DACH1: variants seen among roughly 807,000 people sequenced by gnomAD.
DACH1 encodes the protein dachshund family transcription factor 1.
A neutral mutation model predicts 54.2 loss-of-function variants in DACH1; 12 were observed. The ratio of observed to expected loss-of-function variants is 0.22; its 90% confidence interval spans 0.14 to 0.36. The LOEUF (loss-of-function observed/expected upper bound fraction) is 0.36. DACH1 is among the 10% of genes least tolerant of loss of function. The probability of loss-of-function intolerance (pLI) is 1.00; values close to 1 mark genes in which losing one functional copy is unlikely to be tolerated. For synonymous variants in DACH1, 386 were observed against 366.2 expected (o/e 1.05, Z -0.62); for missense variants, 805 against 929.8 (o/e 0.87, Z 1.75).
At chr13:71,726,343 G>A (rs1418005391) in intron 1 of DACH1, among the ~76,000 whole-genome samples, 4 of 152,090 alleles carry the variant, frequency 2.6e-5, no homozygotes, top group Non-Finnish European at 5.9e-5. Context: ...AACTGATTTA[G>A]TTGAAACAAC....
chr13:71,805,197 A>G (rs556444297), intron 1 of DACH1, among the ~76,000 whole-genome samples: 7 of 152,152 alleles, frequency 4.6e-5, no homozygotes, highest in Non-Finnish European at 1.0e-4. Flanking sequence ...ACAAAGGTTT[A>G]TACATTTGTA....
At chr13:71,602,521 C>T (rs1874570593) in intron 3 of DACH1, among the ~76,000 whole-genome samples, 1 of 151,894 alleles carries the variant, frequency 6.6e-6, no homozygotes, top group Non-Finnish European at 1.5e-5. Flanking sequence ...GCTTTGTCCG[C>T]CATGGGAGCA....
Position 71,555,720 on chromosome 13 carries a change from T to C in DACH1, c.1570+1304A>G, listed in dbSNP as rs73521256. Among the ~76,000 whole-genome samples, 929 of 152,222 alleles carry C rather than the reference T, an allele frequency of 6.1e-3. 11 individuals carry two copies. The highest frequency in any genetic ancestry group is 0.021 in the African/African-American group (882 of 41,544). On this transcript the variant is annotated intron_variant, in intron 6 of 10. Transcript: ENST00000613252. ...AAAGTATAGGTCAAAATAAATATGA[T>C]GGATAATATACATGACATTCTGCTT...
At chr13:71,723,249 A>ATT (rs1883311288) in intron 1 of DACH1, among the ~76,000 whole-genome samples, 1 of 148,786 alleles carries the variant, frequency 6.7e-6, no homozygotes, top group African/African-American at 2.5e-5. Context: ...CACAAATTAA[A>ATT]AAAAAAAAAA....
chr13:71,491,254 C>T (rs1466853306), intron 6 of DACH1, among the ~76,000 whole-genome samples: 1 of 152,116 alleles, frequency 6.6e-6, no homozygotes, highest in Non-Finnish European at 1.5e-5. Flanking sequence ...CTCATGTAGC[C>T]TAGAGTGACT....
rs937593364 is a variant in DACH1 at position 71,589,125 on chromosome 13, C to A, written c.1127-16113G>T. Among the ~76,000 whole-genome samples the A allele has an allele frequency of 2.6e-5, 4 of 151,960 alleles. 1 individual carries two copies. Among genetic ancestry groups the A allele is most frequent in the Non-Finnish European group, 4.4e-5 (3 of 67,858 alleles). On this transcript the variant is annotated intron_variant, in intron 3 of 10. Transcript: ENST00000613252. ...ATTTTTAATAGTAACTCAAAAATTT[C>A]TTTATCATACTTCTTCAAGAAAGCT...
intron 1 of DACH1, among the ~76,000 whole-genome samples, chr13:71,733,459 G>C (rs1294436768): frequency 1.3e-5 from 2 of 152,132 alleles, no homozygotes; most frequent in Non-Finnish European, 2.9e-5. Context: ...CGGGATTACA[G>C]GTGTGACCAA....
In DACH1 at chr13:71,681,841, C is replaced by T. The variant is rs372020821; in HGVS notation, c.918G>A (p.Pro306=). 12 of 1,613,702 alleles carry T rather than the reference C, an allele frequency of 7.4e-6. No homozygotes were observed. The highest frequency in any genetic ancestry group is 5.3e-5 in the African/African-American group (4 of 74,912). ...VTSPENSHIM[P]HSVPGLMSPG... ...GAGACATGAGACCAGGGACAGAATG[C>T]GGCATGATGTGAGAGTTCTCTGGGG... Residue 306 remains proline (P), a synonymous_variant, in exon 2 of 11, where the codon CCG becomes CCA. Transcript: ENST00000613252.
chr13:71,751,030 T>G (rs1411629619), intron 1 of DACH1, among the ~76,000 whole-genome samples: 1 of 152,206 alleles, frequency 6.6e-6, no homozygotes, highest in East Asian at 1.9e-4. Flanking sequence ...AGGCTTCAGT[T>G]TTGCATTGTA....
intron 3 of DACH1, among the ~76,000 whole-genome samples, chr13:71,627,201 C>A (rs1876711477): frequency 1.3e-5 from 2 of 151,800 alleles, no homozygotes; most frequent in African/African-American, 4.8e-5. Context: ...CTATTATGAA[C>A]CGGGAAGGGT....
chr13:71,732,561 G>C (rs191417228), intron 1 of DACH1, among the ~76,000 whole-genome samples: 1 of 149,384 alleles, frequency 6.7e-6, no homozygotes, highest in South Asian at 2.1e-4. Context: ...CTCCAGCCTC[G>C]GTGACAAGAG....
chr13:71,591,644 T>C (rs1015988181), intron 3 of DACH1, among the ~76,000 whole-genome samples: 8 of 152,128 alleles, frequency 5.3e-5, no homozygotes, highest in East Asian at 3.9e-4. Context: ...TTAAGAGAAG[T>C]AAATAATATA....
intron 1 of DACH1, among the ~76,000 whole-genome samples, chr13:71,693,469 ATTTTTT>A (rs748598587): frequency 6.5e-4 from 78 of 119,268 alleles, no homozygotes; most frequent in Middle Eastern, 8.8e-3. Flanking sequence ...CGCCCGGCAA[ATTTTTT>A]TTTTTTTTTT....
chr13:71,853,964 G>T (rs1873836318), intron 1 of DACH1, among the ~76,000 whole-genome samples: 1 of 152,016 alleles, frequency 6.6e-6, no homozygotes, highest in African/African-American at 2.4e-5. Flanking sequence ...AGGAACAGAT[G>T]TGAAACTGAT....
chr13:71,519,132 T>A (rs1881380953), intron 6 of DACH1, among the ~76,000 whole-genome samples: 1 of 151,832 alleles, frequency 6.6e-6, no homozygotes, highest in Admixed American at 6.6e-5. Flanking sequence ...ATTGCTGGAT[T>A]CTGTTCTATA....
chr13:71,579,117 T>C (rs1012402046), intron 3 of DACH1, among the ~76,000 whole-genome samples: 2 of 152,264 alleles, frequency 1.3e-5, no homozygotes, highest in Non-Finnish European at 2.9e-5. Flanking sequence ...ACTCTTGCCA[T>C]ACCAGGGGAC....
At chr13:71,570,160 TCTC>T (rs1431454162) in intron 4 of DACH1, among the ~76,000 whole-genome samples, 1 of 152,182 alleles carries the variant, frequency 6.6e-6, no homozygotes, top group African/African-American at 2.4e-5. Context: ...TTTGTTAACT[TCTC>T]CTCTCTAATA....
intron 1 of DACH1, among the ~76,000 whole-genome samples, chr13:71,836,895 T>G (rs764280542): frequency 6.6e-6 from 1 of 151,988 alleles, no homozygotes. Context: ...TGAAGCCCTA[T>G]GAGGGTAGGG....
chr13:71,758,492 A>G (rs1885260503), intron 1 of DACH1, among the ~76,000 whole-genome samples: 1 of 152,194 alleles, frequency 6.6e-6, no homozygotes, highest in African/African-American at 2.4e-5. Context: ...TCAAGTGATG[A>G]CAGATTGCTA....
Sources: allele counts gnomAD v4.1 joint callset (sites outside exome capture counted in the v4.1 genomes callset), GRCh38; gene constraint gnomAD v4.1.1; transcripts MANE v1.5; gene names NCBI Gene and HGNC (gene_info 2026-07-23, HGNC 2026-07-21).